The following GPC6 variants were observed in gnomAD, a reference collection of about 807,000 sequenced individuals.
GPC6 encodes the protein glypican-6.
Under a neutral mutation model 55.2 loss-of-function variants are expected in GPC6, and 14 were observed. The observed-to-expected ratio is 0.25, with a 90% CI of 0.17 to 0.40. The LOEUF (loss-of-function observed/expected upper bound fraction) is 0.40, where lower values mean the gene tolerates loss of function less well. Ranked by LOEUF, GPC6 falls within the 10% of genes least tolerant of loss-of-function variation. The pLI, the probability that GPC6 is intolerant of heterozygous loss-of-function variation, is 1.00. For missense variants in GPC6, 641 were observed against 708.5 expected (o/e 0.90, Z 1.08); for synonymous variants, 278 against 259.6 (o/e 1.07, Z -0.68).
rs143799756 is a variant in GPC6 at position 93,834,344 on chromosome 13, T to G, written c.711+3799T>G. ...CTCATTGTGAGAGATAAACATCAAG[T>G]CATCTAAAATACATACATTTTTATG... On this transcript the variant is annotated intron_variant, in intron 3 of 8. Coordinates refer to ENST00000377047, the MANE Select transcript of GPC6 (RefSeq NM_005708.5). Among the ~76,000 whole-genome samples the G allele has an allele frequency of 2.7e-3, 406 of 152,216 alleles. 2 individuals are homozygous for G. The highest frequency in any genetic ancestry group is 0.014 in the Middle Eastern group (4 of 294).
At chr13:94,398,329 TCCAGGAAC>T in intron 7 of GPC6, 129 bp from the exon 8 acceptor site, 1 of 681,148 alleles carries the variant, frequency 1.5e-6, no homozygotes, top group Non-Finnish European at 2.6e-6. Context: ...GCATTTTTTT[TCCAGGAAC>T]TAGATCCAGT....
At chr13:94,085,571 G>A (rs1373014544) in intron 4 of GPC6, among the ~76,000 whole-genome samples, 1 of 152,060 alleles carries the variant, frequency 6.6e-6, no homozygotes, top group Admixed American at 6.5e-5. Flanking sequence ...ACACATAATA[G>A]TATCTTGCAT....
intron 1 of GPC6, among the ~76,000 whole-genome samples, chr13:93,258,596 C>G (rs1877032978): frequency 6.6e-6 from 1 of 152,062 alleles, no homozygotes; most frequent in African/African-American, 2.4e-5. Flanking sequence ...TAACTAAGCT[C>G]TGAATGGTGG....
rs76863668 is a variant in GPC6, at chr13:94,186,649, C to T, written c.878-99700C>T. Among the ~76,000 whole-genome samples the T allele has an allele frequency of 3.3e-5, 5 of 152,314 alleles. No individual in the cohort carries two copies. The East Asian group carries it at 9.7e-4, about 29-fold the overall frequency. On this transcript the variant is annotated intron_variant, in intron 4 of 8. Transcript: ENST00000377047. ...GGTCAAAATGACATGGACATTCTCA[C>T]AGGCACTTTAAAGAAAAAAATGACG...
intron 2 of GPC6, among the ~76,000 whole-genome samples, chr13:93,786,317 C>T (rs1457589066): frequency 6.6e-6 from 1 of 152,144 alleles, no homozygotes; most frequent in East Asian, 1.9e-4. Context: ...AGAGGAGTTT[C>T]ACTACTCCCT....
chr13:93,470,710 A>T (rs1283230846), intron 1 of GPC6, among the ~76,000 whole-genome samples: 1 of 152,008 alleles, frequency 6.6e-6, no homozygotes, highest in Non-Finnish European at 1.5e-5. Context: ...ATTTTATAAA[A>T]TTGGTGTTAT....
chr13:94,035,556 C>G (rs566922025), intron 4 of GPC6, among the ~76,000 whole-genome samples: 1 of 152,014 alleles, frequency 6.6e-6, no homozygotes, highest in African/African-American at 2.4e-5. Flanking sequence ...TAACCAGAGT[C>G]CTTCACGTGG....
intron 1 of GPC6, among the ~76,000 whole-genome samples, chr13:93,284,572 A>G (rs1206721053): frequency 2.0e-5 from 3 of 152,252 alleles, no homozygotes; most frequent in East Asian, 1.9e-4. Context: ...TATTTGTCAG[A>G]TTTTTGTGAA....
intron 4 of GPC6, among the ~76,000 whole-genome samples, chr13:94,028,371 T>C (rs900756869): frequency 5.9e-5 from 9 of 152,148 alleles, no homozygotes; most frequent in Admixed American, 5.2e-4. Context: ...TTTTACTGTA[T>C]GTTATATGGG....
intron 3 of GPC6, among the ~76,000 whole-genome samples, chr13:94,013,202 G>A (rs1882316406): frequency 7.9e-6 from 1 of 126,718 alleles, no homozygotes; most frequent in Non-Finnish European, 1.7e-5. Flanking sequence ...CCATTCTTGT[G>A]TGTGCATGTG....
At chr13:93,494,763 T>C (rs1880186276) in intron 1 of GPC6, among the ~76,000 whole-genome samples, 1 of 150,380 alleles carries the variant, frequency 6.6e-6, no homozygotes, top group Non-Finnish European at 1.5e-5. Flanking sequence ...TAAAGTATTT[T>C]ATTTCTCCTT....
At chr13:94,295,324 G>C (rs909429306) in intron 5 of GPC6, among the ~76,000 whole-genome samples, 1 of 152,082 alleles carries the variant, frequency 6.6e-6, no homozygotes, top group Non-Finnish European at 1.5e-5. Flanking sequence ...ACTCCCAAAG[G>C]CTAAGCATTT....
At chr13:93,776,823 T>A (rs142153918) in intron 2 of GPC6, among the ~76,000 whole-genome samples, 1 of 152,236 alleles carries the variant, frequency 6.6e-6, no homozygotes, top group Non-Finnish European at 1.5e-5. Context: ...ATCCATCCCA[T>A]TCCCTGCTGA....
chr13:94,170,328 G>A (rs527444282), intron 4 of GPC6, among the ~76,000 whole-genome samples: 2 of 152,282 alleles, frequency 1.3e-5, no homozygotes, highest in South Asian at 4.1e-4. Context: ...CATTGAAATG[G>A]CCCCGTGCTA....
intron 3 of GPC6, among the ~76,000 whole-genome samples, chr13:93,867,395 C>T (rs1019263749): frequency 2.0e-5 from 3 of 151,738 alleles, no homozygotes; most frequent in African/African-American, 7.2e-5. Context: ...CATTCTTTAG[C>T]TATGGGATGT....
intron 2 of GPC6, among the ~76,000 whole-genome samples, chr13:93,625,581 T>A (rs1879166735): frequency 6.6e-6 from 1 of 152,142 alleles, no homozygotes; most frequent in African/African-American, 2.4e-5. Context: ...TCCCATCCTG[T>A]CCTTGAAGAG....
intron 3 of GPC6, among the ~76,000 whole-genome samples, chr13:93,992,642 A>C (rs567724574): frequency 6.6e-6 from 1 of 152,284 alleles, no homozygotes; most frequent in East Asian, 1.9e-4. Flanking sequence ...GGGGCAAATC[A>C]ATGCAAGATC....
intron 1 of GPC6, among the ~76,000 whole-genome samples, chr13:93,479,515 G>A (rs1879419040): frequency 6.6e-6 from 1 of 152,096 alleles, no homozygotes; most frequent in Non-Finnish European, 1.5e-5. Context: ...TCGACGTGGT[G>A]GCTCATGCTT....
intron 1 of GPC6, among the ~76,000 whole-genome samples, chr13:93,416,470 A>G (rs1354371110): frequency 6.6e-6 from 1 of 152,064 alleles, no homozygotes; most frequent in Non-Finnish European, 1.5e-5. Context: ...TGATACAGGC[A>G]TGCAATGTGA....
Sources: allele counts gnomAD v4.1 joint callset (sites outside exome capture counted in the v4.1 genomes callset), GRCh38; gene constraint gnomAD v4.1.1; transcripts MANE v1.5; gene names NCBI Gene and HGNC (gene_info 2026-07-23, HGNC 2026-07-21).